ATP10B: variants seen among roughly 807,000 people sequenced by gnomAD.
The protein encoded by ATP10B is ATPase phospholipid transporting 10B (putative), also known as phospholipid-transporting ATPase VB.
Under a neutral mutation model 141.2 loss-of-function variants are expected in ATP10B, and 122 were observed. The ratio of observed to expected loss-of-function variants is 0.86; its 90% confidence interval spans 0.75 to 1.00. The LOEUF (loss-of-function observed/expected upper bound fraction) is 1.00. Ranked by LOEUF, ATP10B falls within the 50% of genes least tolerant of loss-of-function variation. The pLI, the probability that ATP10B is intolerant of heterozygous loss-of-function variation, is 0.00. For missense variants in ATP10B, 1,876 were observed against 1,825.3 expected, an observed-to-expected ratio of 1.03 and a Z score of -0.51; for synonymous variants, 685 against 692.0, an observed-to-expected ratio of 0.99 and a Z score of 0.16.
At chr5:160,582,261 G>A (rs557499767) in intron 24 of ATP10B, among the ~76,000 whole-genome samples, 1 of 152,276 alleles carries the variant, frequency 6.6e-6, no homozygotes, top group South Asian at 2.1e-4. Flanking sequence ...TTATAATTTG[G>A]TATGTTTTTG....
At chr5:160,866,992 G>T in the ATP10B span, among the ~76,000 whole-genome samples, 325 of 152,172 alleles carry the variant, frequency 2.1e-3, no homozygotes, top group African/African-American at 7.5e-3. Context: ...TAGTATTGTG[G>T]CTAGGAATAT....
intron 2 of ATP10B, among the ~76,000 whole-genome samples, chr5:160,753,093 T>G (rs1456715578): frequency 6.6e-6 from 1 of 152,084 alleles, no homozygotes; most frequent in Non-Finnish European, 1.5e-5. Flanking sequence ...GATTTAGGAG[T>G]GTGCCAGGGG....
At chr5:160,915,497 A>G in the ATP10B span, among the ~76,000 whole-genome samples, 8 of 151,886 alleles carry the variant, frequency 5.3e-5, no homozygotes, top group Admixed American at 2.0e-4. Context: ...ACACCCACCT[A>G]ATTTTTGTAT....
chr5:160,912,603 AAGAAAAG>A, the ATP10B span, among the ~76,000 whole-genome samples: 1 of 151,876 alleles, frequency 6.6e-6, no homozygotes, highest in East Asian at 1.9e-4. Flanking sequence ...TGTCAAAGAA[AAGAAAAG>A]AGAAAAGAAA....
intron 2 of ATP10B, among the ~76,000 whole-genome samples, chr5:160,763,460 T>C (rs980700833): frequency 6.6e-6 from 1 of 152,126 alleles, no homozygotes; most frequent in Non-Finnish European, 1.5e-5. Flanking sequence ...TCCTGAATGA[T>C]CATTGGGTCA....
intron 10 of ATP10B, among the ~76,000 whole-genome samples, chr5:160,638,598 A>G (rs140300431): frequency 1.3e-5 from 2 of 152,174 alleles, no homozygotes; most frequent in East Asian, 3.9e-4. Flanking sequence ...ACTCCAGGCC[A>G]CCCACAAGAC....
rs1206230486 is a variant in ATP10B, at chr5:160,598,816, GTTTCTGCAGAGA to G, written c.3506_3517del (p.Ile1169_Glu1172del). On this transcript the variant is annotated inframe_deletion, in exon 22 of 26. Transcript: ENST00000327245. ...GTATAGCTCAGGCAATGCCAGGAGT[GTTTCTGCAGAGA>G]TGTCTTTGTCAAGGACTCCAAAGAC... The G allele has an allele frequency of 2.5e-6, 4 of 1,614,066 alleles. No homozygotes were observed. Among genetic ancestry groups the G allele is most frequent in the Non-Finnish European group, 3.4e-6 (4 of 1,180,014 alleles).
chr5:160,679,231 G>A (rs556409486), intron 6 of ATP10B, among the ~76,000 whole-genome samples: 16 of 152,266 alleles, frequency 1.1e-4, no homozygotes, highest in African/African-American at 2.6e-4. Context: ...CTAGGCCCTC[G>A]GTGCTACGCT....
the ATP10B span, among the ~76,000 whole-genome samples, chr5:160,902,499 A>T: frequency 3.9e-5 from 6 of 152,224 alleles, no homozygotes; most frequent in Non-Finnish European, 8.8e-5. Flanking sequence ...CACGGATTAA[A>T]CTTTCCTGAA....
At chr5:160,627,777 G>A (rs1274056790) in intron 13 of ATP10B, among the ~76,000 whole-genome samples, 1 of 152,120 alleles carries the variant, frequency 6.6e-6, no homozygotes, top group Non-Finnish European at 1.5e-5. Context: ...GGTTAAAAAA[G>A]CACAGTCCTA....
chr5:160,682,512 A>G (rs1361670325), intron 6 of ATP10B, among the ~76,000 whole-genome samples: 1 of 152,180 alleles, frequency 6.6e-6, no homozygotes, highest in Non-Finnish European at 1.5e-5. Flanking sequence ...GCCAGCTCCC[A>G]GCACAGATGA....
chr5:160,686,065 A>C lies in ATP10B; in HGVS notation c.470+14T>G. 6.5e-7 allele frequency: 1 copy of C among 1,540,760 alleles called. No homozygotes were observed. Among genetic ancestry groups the C allele is most frequent in the Non-Finnish European group, 8.8e-7 (1 of 1,134,896 alleles). On this transcript the variant is annotated intron_variant, in intron 6 of 25. Transcript: ENST00000327245. ...CCCATTTGCAAGAGAGAACACAGGG[A>C]TGGTTTTTCTTACCTTTCATAAATT...
intron 7 of ATP10B, among the ~76,000 whole-genome samples, chr5:160,651,746 A>G (rs1201692255): frequency 1.3e-5 from 2 of 152,162 alleles, no homozygotes; most frequent in Admixed American, 6.5e-5. Context: ...GGGTGCCAAC[A>G]TAAATAAACT....
At chr5:160,604,192 G>A in intron 19 of ATP10B, 151 bp from the exon 20 acceptor site, 1 of 620,846 alleles carries the variant, frequency 1.6e-6, no homozygotes, top group Non-Finnish European at 2.9e-6. Context: ...CTTAGCTTGA[G>A]AGATGTCATT....
intron 7 of ATP10B, among the ~76,000 whole-genome samples, chr5:160,663,037 A>T (rs2127715603): frequency 6.6e-6 from 1 of 152,370 alleles, no homozygotes; most frequent in Admixed American, 6.5e-5. Flanking sequence ...CACATGAAAA[A>T]ATGCTCATCA....
At position 160,620,893 on chromosome 5, in the gene ATP10B, G is replaced by A. The variant is rs201525382; in HGVS notation, c.1870C>T (p.Leu624Phe). 3.7e-6 allele frequency: 6 copies of A among 1,614,224 alleles called. No individual in the cohort carries two copies. Among genetic ancestry groups the A allele is most frequent in the South Asian group, 1.1e-5 (1 of 91,080 alleles). ...CTCAATAGCTTCAACTTCTGGAAGA[G>A]CTGCTGAATCTTCTCCAGGGACGTC... ...LGTSLEKIQQLFQKLKLLSLS... is the reference protein window; with the variant it reads ...LGTSLEKIQQFFQKLKLLSLS... The change falls in exon 15 of 26, where the codon CTC (leucine) becomes TTC (phenylalanine). Residue 624 changes from leucine to phenylalanine, a missense_variant. Leu to Phe is a conservative substitution (Grantham distance 22, BLOSUM62 0). Coordinates refer to ENST00000327245, the MANE Select transcript of ATP10B (RefSeq NM_025153.3).
the ATP10B span, among the ~76,000 whole-genome samples, chr5:160,928,284 A>G: frequency 6.6e-6 from 1 of 152,176 alleles, no homozygotes; most frequent in Non-Finnish European, 1.5e-5. Context: ...TATTTTTGAC[A>G]GGGACTCTTA....
the ATP10B span, among the ~76,000 whole-genome samples, chr5:160,923,152 G>T: frequency 6.6e-6 from 1 of 152,202 alleles, no homozygotes; most frequent in South Asian, 2.1e-4. Context: ...CGGAAGGCTG[G>T]CAAGCAAGGA....
At position 160,739,146 on chromosome 5, in the gene ATP10B, A is replaced by G. The variant is rs549531139; in HGVS notation, c.-330-22112T>C. ...ATTCTATGAAATCCAACTTCCATTTATGGTAAAATCTTCAGCAAACTAAGA... is the reference window on the plus strand; with the variant it reads ...ATTCTATGAAATCCAACTTCCATTTGTGGTAAAATCTTCAGCAAACTAAGA... On this transcript the variant is annotated intron_variant, in intron 2 of 25. Coordinates refer to ENST00000327245, the MANE Select transcript of ATP10B (RefSeq NM_025153.3). Among the ~76,000 whole-genome samples the G allele has an allele frequency of 2.6e-5, 4 of 152,370 alleles. No individual in the cohort carries two copies. The East Asian group carries it at 7.7e-4, about 29-fold the overall frequency.
Sources: allele counts gnomAD v4.1 joint callset (sites outside exome capture counted in the v4.1 genomes callset), GRCh38; gene constraint gnomAD v4.1.1; transcripts MANE v1.5; gene names NCBI Gene and HGNC (gene_info 2026-07-23, HGNC 2026-07-21).